EVC: variants seen among roughly 807,000 people sequenced by gnomAD.
The protein encoded by EVC is evC complex member EVC.
Under a neutral mutation model 118.9 loss-of-function variants are expected in EVC, and 116 were observed. The ratio of observed to expected loss-of-function variants is 0.98; its 90% CI spans 0.84 to 1.14. EVC has a LOEUF of 1.14. Among genes scored for constraint, EVC ranks in the 50% most tolerant of loss-of-function variants. The pLI, the probability that EVC is intolerant of heterozygous loss-of-function variation, is 0.00. For missense variants in EVC, 1,401 were observed against 1,246.4 expected (o/e 1.12, Z -1.87); for synonymous variants, 619 against 534.7 (o/e 1.16, Z -2.18).
At chr4:5,805,619 T>A (rs1289692642) in intron 17 of EVC, among the ~76,000 whole-genome samples, 2 of 152,164 alleles carry the variant, frequency 1.3e-5, no homozygotes, top group Non-Finnish European at 2.9e-5. Context: ...TCAGAAAGTG[T>A]GAGGAGAGCC....
chr4:5,792,041 A>G (rs1217842484), intron 12 of EVC, among the ~76,000 whole-genome samples: 2 of 152,228 alleles, frequency 1.3e-5, no homozygotes, highest in East Asian at 3.8e-4. Flanking sequence ...TGTGACTTCC[A>G]AGGTAGAGAA....
the EVC span, chr4:5,824,225 C>A: frequency 1.1e-6 from 1 of 904,768 alleles, no homozygotes; most frequent in Admixed American, 6.2e-5. Flanking sequence ...TGTCTTGTTG[C>A]ACCCAGATAG....
chr4:5,804,347 A>T (rs561514282), intron 16 of EVC, among the ~76,000 whole-genome samples: 11 of 152,324 alleles, frequency 7.2e-5, no homozygotes, highest in Non-Finnish European at 1.6e-4. Flanking sequence ...CAGACTTCCT[A>T]GCTCCTTGGA....
chr4:5,786,519 A>C (rs1711620268), intron 12 of EVC, among the ~76,000 whole-genome samples: 1 of 152,230 alleles, frequency 6.6e-6, no homozygotes, highest in Non-Finnish European at 1.5e-5. Flanking sequence ...GTATGACCCA[A>C]GACTGTTTTC....
rs974722778 is a variant in EVC, at chr4:5,742,058, C to T, written c.801+244C>T. On this transcript the variant is annotated intron_variant, in intron 6 of 20. Coordinates refer to ENST00000264956, the MANE Select transcript of EVC (RefSeq NM_153717.3). The surrounding 1 kb of genome is among the most constrained non-coding windows in gnomAD (Gnocchi z 5.2). ...GTCATATCTACTACTCAAAGACGGT[C>T]ACTGTTAATGTTTTTTTCTGCACAC... Among the ~76,000 whole-genome samples, 2 of 152,112 alleles carry T rather than the reference C, an allele frequency of 1.3e-5. No individual in the cohort carries two copies. Among genetic ancestry groups the T allele is most frequent in the African/African-American group, 2.4e-5 (1 of 41,430 alleles).
chr4:5,817,570 A>G (rs1253659208), downstream of EVC, among the ~76,000 whole-genome samples: 7 of 152,194 alleles, frequency 4.6e-5, no homozygotes, highest in African/African-American at 1.4e-4. Flanking sequence ...TAGAAAGTTC[A>G]ACTTGCTAAG....
At chr4:5,714,629 T>C (rs1387855264) in intron 1 of EVC, among the ~76,000 whole-genome samples, 1 of 151,940 alleles carries the variant, frequency 6.6e-6, no homozygotes, top group African/African-American at 2.4e-5. Flanking sequence ...ACACTCTCAA[T>C]ACGGAGGTTA....
chr4:5,827,699 CAT>C, the EVC span, among the ~76,000 whole-genome samples: 62 of 151,230 alleles, frequency 4.1e-4, no homozygotes, highest in African/African-American at 1.4e-3. Flanking sequence ...CACATGCACA[CAT>C]GACACGCATA....
intron 17 of EVC, among the ~76,000 whole-genome samples, chr4:5,805,793 G>T (rs1233920270): frequency 6.6e-6 from 1 of 152,090 alleles, no homozygotes; most frequent in East Asian, 1.9e-4. Context: ...GTTGGGAAAG[G>T]GGGTGCATGA....
At chr4:5,806,537 G>A (rs1349516277) in intron 17 of EVC, among the ~76,000 whole-genome samples, 1 of 152,096 alleles carries the variant, frequency 6.6e-6, no homozygotes, top group East Asian at 1.9e-4. Flanking sequence ...TCTTTTTTAT[G>A]GCTGAGTAGT....
rs1577446902 is a variant in EVC at position 5,754,536 on chromosome 4, C to T, written c.1464+603C>T. On this transcript the variant is annotated intron_variant, in intron 10 of 20. Coordinates refer to ENST00000264956, the MANE Select transcript of EVC (RefSeq NM_153717.3). The surrounding 1 kb of genome is among the most constrained non-coding windows in gnomAD (Gnocchi z 5.8). Reference sequence around the variant, plus strand: ...AGTGCAGGCTCTAAGGACCTGGACTCGCCAGTTCTCAGAGAGACCACCGAG... The same window carrying T: ...AGTGCAGGCTCTAAGGACCTGGACTTGCCAGTTCTCAGAGAGACCACCGAG... 6.6e-6 allele frequency among the ~76,000 whole-genome samples: 1 copy of T among 151,942 alleles called. No homozygotes were observed. The highest frequency in any genetic ancestry group is 1.9e-4 in the East Asian group (1 of 5,152).
intron 2 of EVC, among the ~76,000 whole-genome samples, chr4:5,727,127 G>T (rs1428934324): frequency 6.6e-6 from 1 of 152,004 alleles, no homozygotes. Context: ...TCCAGTTCTA[G>T]ATCCCTGAGG....
chr4:5,761,098 G>A (rs899664144), intron 11 of EVC, among the ~76,000 whole-genome samples: 9 of 152,144 alleles, frequency 5.9e-5, no homozygotes, highest in African/African-American at 2.2e-4. Flanking sequence ...GCGTCCTTGG[G>A]CCAGAGCCTG....
At chr4:5,770,243 C>T (rs542332158) in intron 11 of EVC, among the ~76,000 whole-genome samples, 26 of 152,242 alleles carry the variant, frequency 1.7e-4, no homozygotes, top group African/African-American at 5.5e-4. Context: ...ATGGCTGACC[C>T]TCCGCCCCCA....
At chr4:5,816,424 C>T (rs1204293235), downstream of EVC, among the ~76,000 whole-genome samples, 2 of 152,208 alleles carry the variant, frequency 1.3e-5, no homozygotes, top group East Asian at 1.9e-4. Context: ...CTGCAAGAGG[C>T]AGGGATGTGG....
chr4:5,755,349 G>T lies in EVC; in HGVS notation c.1465-915G>T, dbSNP rs1252900024. ...CAGCGCTGGCGTTCAGGACACGTGG[G>T]ACGCAGGCAGGGAAGGGTGAATGAG... On this transcript the variant is annotated intron_variant, in intron 10 of 20. Coordinates refer to ENST00000264956, the MANE Select transcript of EVC (RefSeq NM_153717.3). This position sits in a 1 kb window ranked among gnomAD's most constrained non-coding sequence, Gnocchi z 4.1. 1.3e-5 allele frequency among the ~76,000 whole-genome samples: 2 copies of T among 152,138 alleles called. No individual in the cohort carries two copies. The highest frequency in any genetic ancestry group is 2.9e-5 in the Non-Finnish European group (2 of 68,028).
In EVC at chr4:5,743,889, A is replaced by G. The variant is rs1482117880; in HGVS notation, c.802-1315A>G. Among the ~76,000 whole-genome samples the G allele has an allele frequency of 1.3e-5, 2 of 152,194 alleles. No homozygotes were observed. Among genetic ancestry groups the G allele is most frequent in the Admixed American group, 6.5e-5 (1 of 15,284 alleles). On this transcript the variant is annotated intron_variant, in intron 6 of 20. Coordinates refer to ENST00000264956, the MANE Select transcript of EVC (RefSeq NM_153717.3). The surrounding 1 kb of genome is among the most constrained non-coding windows in gnomAD (Gnocchi z 4.7). ...AAATGACTTTCCAATGGCAAAAATG[A>G]TAATGATGATGATGACATTTATAAT... is the stretch of plus-strand genomic sequence containing the variant.
At chr4:5,823,443 G>GA in the EVC span, among the ~76,000 whole-genome samples, 2 of 152,220 alleles carry the variant, frequency 1.3e-5, no homozygotes, top group Admixed American at 6.5e-5. Context: ...ATACCTGCTG[G>GA]AAAAAAGGAC....
Position 5,741,778 on chromosome 4 carries a change from T to C in EVC, c.765T>C (p.Asp255=), listed in dbSNP as rs2152000814. 2 of 1,563,234 alleles carry C rather than the reference T, an allele frequency of 1.3e-6. No homozygotes were observed. Among genetic ancestry groups the C allele is most frequent in the Non-Finnish European group, 1.8e-6 (2 of 1,134,868 alleles). Residue 255 remains aspartate, a synonymous_variant, in exon 6 of 21, where the codon GAT becomes GAC. Transcript: ENST00000264956. Reference sequence around the variant, plus strand: ...TTCTTCCTAAAAAGAAGTCAGATGATGAACTATACCAGAAGATCCTTTCAA... The same window carrying C: ...TTCTTCCTAAAAAGAAGTCAGATGACGAACTATACCAGAAGATCCTTTCAA... ...LDLLPKKKSD[D]ELYQKILSKQ... is the part of the protein sequence containing the mutation.
Sources: gnomAD v4.1 joint callset for allele counts (sites outside exome capture counted in the v4.1 genomes callset) on GRCh38, gnomAD v4.1.1 for gene constraint, Gnocchi (gnomAD v3.1) non-coding constraint, MANE v1.5 for transcripts, NCBI Gene and HGNC (gene_info 2026-07-23, HGNC 2026-07-21) for gene names.